The following LRRC56 variants were observed in gnomAD, a reference collection of about 807,000 sequenced individuals.
LRRC56 encodes leucine-rich repeat-containing protein 56.
LRRC56 carries 41 observed loss-of-function variants against 47.8 expected under a neutral mutation model. That is an observed-to-expected ratio of 0.86 (90% CI 0.67 to 1.11). The LOEUF is 1.11. LRRC56 is among the 50% of genes most tolerant of loss of function. LRRC56 has a pLI of 0.00. For synonymous variants in LRRC56, 387 were observed against 311.2 expected (o/e 1.24, Z -2.56); for missense variants, 759 against 704.2 (o/e 1.08, Z -0.88).
At chr11:543,898 G>C (rs571890589) in intron 5 of LRRC56, among the ~76,000 whole-genome samples, 1 of 152,146 alleles carries the variant, frequency 6.6e-6, no homozygotes, top group Non-Finnish European at 1.5e-5. Flanking sequence ...ACAGGCGCCC[G>C]CCACCATACC....
At chr11:529,139 C>G in the LRRC56 span, 1 of 152,322 alleles carries the variant, frequency 6.6e-6, no homozygotes, top group Non-Finnish European at 1.5e-5. Flanking sequence ...GATACGAACT[C>G]ACGCCATTTG....
At chr11:532,338 T>C in the LRRC56 span, 1 of 518,052 alleles carries the variant, frequency 1.9e-6, no homozygotes, top group East Asian at 3.3e-5. Flanking sequence ...TCCGGTGGCA[T>C]TTGGGATGTT....
chr11:518,735 G>C, the LRRC56 span, among the ~76,000 whole-genome samples: 6 of 152,156 alleles, frequency 3.9e-5, no homozygotes, highest in East Asian at 1.9e-4. Context: ...GCGCGGAACC[G>C]GACGCCCAGG....
the LRRC56 span, among the ~76,000 whole-genome samples, chr11:521,642 A>C: frequency 9.9e-5 from 15 of 152,238 alleles, no homozygotes; most frequent in East Asian, 2.3e-3. Flanking sequence ...CAGCCCGGTG[A>C]GGTGGCTCAC....
rs762528881 is a variant in LRRC56, at chr11:551,227, GC to G, written c.728del (p.Pro243ArgfsTer3). 5.8e-6 allele frequency: 9 copies of G among 1,545,716 alleles called. No individual in the cohort carries two copies. In the East Asian group the frequency reaches 7.4e-5, roughly 13 times the overall value. ...GCCGGCCGCACACACAGGCCCACCG[GC>G]CCCCCCGCGGCTGAGCCAGGACTGG... ...EVPAAHTGPP[A>X]PPRLSQDWLA... is the part of the protein sequence containing the mutation. On this transcript the variant is annotated frameshift_variant, in exon 9 of 14. Coordinates refer to ENST00000270115, the MANE Select transcript of LRRC56 (RefSeq NM_198075.4). LOFTEE classifies it high-confidence loss of function.
the LRRC56 span, among the ~76,000 whole-genome samples, chr11:511,546 G>C: frequency 1.8e-4 from 27 of 152,252 alleles, no homozygotes; most frequent in Non-Finnish European, 2.9e-4. Flanking sequence ...AGCAGGAGGA[G>C]CTCATGATAG....
At chr11:536,134 A>C (rs138143685), upstream of LRRC56, among the ~76,000 whole-genome samples, 1 of 152,092 alleles carries the variant, frequency 6.6e-6, no homozygotes, top group African/African-American at 2.4e-5. Context: ...TCCCACCGCA[A>C]CCCACCCCGA....
At chr11:525,761 A>G in the LRRC56 span, among the ~76,000 whole-genome samples, 1,133 of 150,666 alleles carry the variant, frequency 7.5e-3, 12 homozygotes, top group African/African-American at 0.026. Flanking sequence ...TTAGCCAGGC[A>G]TGCTGGTGCA....
the LRRC56 span, chr11:529,800 C>T: frequency 6.6e-6 from 1 of 152,398 alleles, no homozygotes; most frequent in Non-Finnish European, 1.5e-5. Context: ...TCAAGACCCT[C>T]CCTCAAGGGG....
chr11:551,871 C>T (rs779352513), intron 10 of LRRC56, 32 bp from the exon 11 acceptor site: 14 of 1,611,028 alleles, frequency 8.7e-6, no homozygotes, highest in South Asian at 3.3e-5. Context: ...CCCTCGGCCC[C>T]GAACCAGGCC....
intron 2 of LRRC56, 28 bp from the exon 3 acceptor site, chr11:539,552 T>A (rs1407595200): frequency 1.9e-5 from 1 of 53,780 alleles, no homozygotes; most frequent in Non-Finnish European, 3.7e-5. Context: ...GCCAGCTAAT[T>A]TTTTTTTTTT....
In LRRC56 at chr11:554,701, GGTCCCA is replaced by G; in HGVS notation, c.*427_*432del. The G allele has an allele frequency of 4.5e-6, 2 of 446,952 alleles. No homozygotes were observed. Among genetic ancestry groups the G allele is most frequent in the East Asian group, 8.2e-5 (2 of 24,360 alleles). 27.7% of individuals were successfully genotyped at this position (446,952 alleles called of 1,614,324 possible). On this transcript the variant is annotated 3_prime_UTR_variant, in exon 14 of 14. Transcript: ENST00000270115. ...CACCTCCTAGGCCGCAGTGGCCCAAGGTCCCAGCTGCTCGCCTGAGGCCGCCGGGGG... is the reference window on the plus strand; with the variant it reads ...CACCTCCTAGGCCGCAGTGGCCCAAGGCTGCTCGCCTGAGGCCGCCGGGGG...
chr11:532,071 C>T, the LRRC56 span, among the ~76,000 whole-genome samples: 2 of 152,216 alleles, frequency 1.3e-5, no homozygotes, highest in African/African-American at 2.4e-5. Flanking sequence ...GCCGTGGACA[C>T]TGGGGCAGGC....
At chr11:508,354 G>A in the LRRC56 span, among the ~76,000 whole-genome samples, 2 of 152,196 alleles carry the variant, frequency 1.3e-5, no homozygotes. Flanking sequence ...TAGAGAAGAG[G>A]TCTCCCTGTG....
the LRRC56 span, among the ~76,000 whole-genome samples, chr11:524,999 G>C: frequency 2.0e-5 from 3 of 151,866 alleles, no homozygotes; most frequent in African/African-American, 4.8e-5. Context: ...AGGAGGCTGA[G>C]GCAAGGTAAT....
rs1589804860 is a variant in LRRC56 at position 541,715 on chromosome 11, C to G, written c.265+91C>G. ...TTCCTGGTTATGACGACAAAGCTGT[C>G]CTCACCTCTCGGGCCGCGTATCGGC... On this transcript the variant is annotated intron_variant, in intron 5 of 13. Transcript: ENST00000270115. The surrounding 1 kb of genome is among the most constrained non-coding windows in gnomAD (Gnocchi z 4.1). The G allele has an allele frequency of 3.7e-6, 3 of 819,424 alleles. No homozygotes were observed. The South Asian group carries it at 5.8e-5, about 16-fold the overall frequency. The allele number at this position is 819,424 out of a possible 1,614,324, so 50.8% of individuals were successfully genotyped here. A position where few individuals can be genotyped will look rare whatever the true frequency, so the allele number is the denominator to read the frequency against.
In LRRC56 at chr11:551,196, C is replaced by G. The variant is rs774783779; in HGVS notation, c.690C>G (p.Asp230Glu). 5 of 1,546,692 alleles carry G rather than the reference C, an allele frequency of 3.2e-6. No individual in the cohort carries two copies. The highest frequency in any genetic ancestry group is 1.4e-5 in the African/African-American group (1 of 72,996). Residue 230 changes from aspartate (D) to glutamate (E), a missense_variant, in exon 9 of 14, where the codon GAC becomes GAG. Asp to Glu is a conservative substitution (Grantham distance 45). Coordinates refer to ENST00000270115, the MANE Select transcript of LRRC56 (RefSeq NM_198075.4). ...RKLIPQLQVLDEVPAAHTGPP... is the reference protein window; with the variant it reads ...RKLIPQLQVLEEVPAAHTGPP... ...TCATTCCCCAGCTGCAGGTCCTGGA[C>G]GAAGTGCCGGCCGCACACACAGGCC...
At chr11:526,137 G>T in the LRRC56 span, among the ~76,000 whole-genome samples, 1 of 151,416 alleles carries the variant, frequency 6.6e-6, no homozygotes, top group Non-Finnish European at 1.5e-5. Flanking sequence ...AAACTGTGAG[G>T]CGGAGGCTAC....
chr11:535,284 A>ACCCGGC (rs1386107646), upstream of LRRC56: 1 of 67,706 alleles, frequency 1.5e-5, no homozygotes, highest in Non-Finnish European at 3.2e-5. Flanking sequence ...GCCCGGCCCC[A>ACCCGGC]CCCACCCGCC....
Sources: allele counts gnomAD v4.1 joint callset (sites outside exome capture counted in the v4.1 genomes callset), GRCh38; gene constraint gnomAD v4.1.1; non-coding constraint Gnocchi (gnomAD v3.1); transcripts MANE v1.5; gene names NCBI Gene and HGNC (gene_info 2026-07-23, HGNC 2026-07-21).